TEX36: variants seen among roughly 807,000 people sequenced by gnomAD.
TEX36 encodes the protein testis-expressed protein 36.
Under a neutral mutation model 13.6 loss-of-function variants are expected in TEX36, and 12 were observed. The observed-to-expected ratio is 0.88, with a 90% CI of 0.56 to 1.43. The LOEUF (loss-of-function observed/expected upper bound fraction) is 1.43. TEX36 is among the 40% of genes most tolerant of loss of function. The pLI, the probability that TEX36 is intolerant of heterozygous loss-of-function variation, is 0.00. For missense variants in TEX36, 224 were observed against 228.3 expected (o/e 0.98, Z 0.12); for synonymous variants, 93 against 83.0 (o/e 1.12, Z -0.65).
At chr10:125,590,750 T>C (rs1227615034) in intron 3 of TEX36, among the ~76,000 whole-genome samples, 1 of 152,190 alleles carries the variant, frequency 6.6e-6, no homozygotes, top group East Asian at 1.9e-4. Context: ...TATTGTCTGA[T>C]GAAGAAATAT....
At chr10:125,595,045 A>G (rs896252156) in intron 3 of TEX36, among the ~76,000 whole-genome samples, 2 of 152,246 alleles carry the variant, frequency 1.3e-5, no homozygotes, top group Non-Finnish European at 2.9e-5. Context: ...TAAAAATTAG[A>G]AGAAAGCGTT....
chr10:125,664,566 A>G (rs1239305061), intron 1 of TEX36, among the ~76,000 whole-genome samples: 1 of 152,074 alleles, frequency 6.6e-6, no homozygotes, highest in Non-Finnish European at 1.5e-5. Flanking sequence ...TGTTTTCATG[A>G]TAGTGAGTGA....
At chr10:125,635,526 G>C (rs762640507) in intron 3 of TEX36, among the ~76,000 whole-genome samples, 1 of 152,168 alleles carries the variant, frequency 6.6e-6, no homozygotes, top group Non-Finnish European at 1.5e-5. Flanking sequence ...AATGCTCTTT[G>C]CTAGCTCCCC....
intron 3 of TEX36, among the ~76,000 whole-genome samples, chr10:125,629,895 A>G (rs1846531583): frequency 6.6e-6 from 1 of 152,146 alleles, no homozygotes; most frequent in South Asian, 2.1e-4. Flanking sequence ...AATTTTTTTT[A>G]AGTCACTGTG....
chr10:125,668,322 T>A (rs75779956), intron 1 of TEX36, among the ~76,000 whole-genome samples: 7 of 152,182 alleles, frequency 4.6e-5, no homozygotes, highest in East Asian at 3.9e-4. Flanking sequence ...TTTTTTTTTT[T>A]AATTACTGAT....
At chr10:125,665,808 T>G (rs145511282) in intron 1 of TEX36, among the ~76,000 whole-genome samples, 26 of 152,348 alleles carry the variant, frequency 1.7e-4, no homozygotes, top group Middle Eastern at 6.8e-3. Flanking sequence ...TATGGTCATT[T>G]TAATGATGTA....
chr10:125,605,648 C>A (rs2133546905), intron 3 of TEX36, among the ~76,000 whole-genome samples: 1 of 152,276 alleles, frequency 6.6e-6, no homozygotes, highest in Admixed American at 6.5e-5. Context: ...GTCACCCAGG[C>A]TGGAGCACAG....
intron 3 of TEX36, among the ~76,000 whole-genome samples, chr10:125,591,291 C>A (rs958108938): frequency 6.6e-6 from 1 of 152,186 alleles, no homozygotes; most frequent in Admixed American, 6.5e-5. Context: ...GGACTCTCCT[C>A]TCAACTATCA....
chr10:125,577,642 T>C (rs1845840264), intron 3 of TEX36, among the ~76,000 whole-genome samples: 1 of 152,278 alleles, frequency 6.6e-6, no homozygotes, highest in Non-Finnish European at 1.5e-5. Flanking sequence ...GAGTATTTCC[T>C]CCAAGTCTTT....
rs555489725 is a variant in TEX36, at chr10:125,583,992, G to C, written c.265-7118C>G. Among the ~76,000 whole-genome samples the C allele has an allele frequency of 5.3e-5, 8 of 152,192 alleles. No individual in the cohort carries two copies. The South Asian group carries it at 1.7e-3, about 32-fold the overall frequency. On this transcript the variant is annotated intron_variant, in intron 3 of 3. Transcript: ENST00000532135. ...CTTGCTTTGAACAACAGGTTGTGGA[G>C]GGAGTGACACTGTGGGAGCTTAGAG...
At chr10:125,606,836 A>G (rs1846221394) in intron 3 of TEX36, among the ~76,000 whole-genome samples, 1 of 152,190 alleles carries the variant, frequency 6.6e-6, no homozygotes, top group Non-Finnish European at 1.5e-5. Context: ...GTGTCTGTGA[A>G]ATCCTCACAA....
chr10:125,610,516 GCGA>G (rs1846275702), intron 3 of TEX36, among the ~76,000 whole-genome samples: 1 of 151,982 alleles, frequency 6.6e-6, no homozygotes, highest in African/African-American at 2.4e-5. Flanking sequence ...AGATCTCCTG[GCGA>G]TGCCCATGCA....
chr10:125,579,548 C>T (rs931438670), intron 3 of TEX36, among the ~76,000 whole-genome samples: 2 of 152,224 alleles, frequency 1.3e-5, no homozygotes, highest in African/African-American at 4.8e-5. Context: ...CTCATTCCTT[C>T]AAGCCCATCT....
intron 3 of TEX36, among the ~76,000 whole-genome samples, chr10:125,649,917 T>C (rs1054830810): frequency 6.6e-6 from 1 of 152,194 alleles, no homozygotes; most frequent in East Asian, 1.9e-4. Flanking sequence ...TACGTAATGA[T>C]AAAGGGATCA....
intron 1 of TEX36, 31 bp downstream of exon 1, chr10:125,682,908 G>T (rs1281799405): frequency 3.2e-6 from 5 of 1,551,532 alleles, no homozygotes; most frequent in Non-Finnish European, 4.4e-6. Flanking sequence ...CGTGGCATGA[G>T]AAAGGCACCA....
At chr10:125,646,173 C>T (rs965745025) in intron 3 of TEX36, among the ~76,000 whole-genome samples, 10 of 151,776 alleles carry the variant, frequency 6.6e-5, no homozygotes, top group African/African-American at 9.7e-5. Flanking sequence ...ACTAAAAATA[C>T]AATATAGCCA....
At chr10:125,604,382 T>C (rs1846189437) in intron 3 of TEX36, among the ~76,000 whole-genome samples, 1 of 152,166 alleles carries the variant, frequency 6.6e-6, no homozygotes, top group South Asian at 2.1e-4. Flanking sequence ...GCACGCTCCT[T>C]ATGAGAATCT....
chr10:125,594,468 G>A (rs1010322555), intron 3 of TEX36, among the ~76,000 whole-genome samples: 8 of 152,290 alleles, frequency 5.3e-5, no homozygotes, highest in Admixed American at 3.3e-4. Context: ...TCAAGATAGT[G>A]GAAGCAGCTG....
At chr10:125,622,590 T>C (rs2133560975) in intron 3 of TEX36, among the ~76,000 whole-genome samples, 1 of 152,340 alleles carries the variant, frequency 6.6e-6, no homozygotes, top group Middle Eastern at 3.4e-3. Context: ...CTGCCTGGAT[T>C]AGGCTGTAGT....
Sources: allele counts gnomAD v4.1 joint callset (sites outside exome capture counted in the v4.1 genomes callset), GRCh38; gene constraint gnomAD v4.1.1; transcripts MANE v1.5; gene names NCBI Gene and HGNC (gene_info 2026-07-23, HGNC 2026-07-21).